Variants in KCNIP4 observed in about 807,000 individuals in gnomAD.
The protein encoded by KCNIP4 is potassium voltage-gated channel interacting protein 4.
KCNIP4 carries 12 observed loss-of-function variants against 34.0 expected under a neutral mutation model. The observed-to-expected ratio is 0.35, with a 90% confidence interval of 0.23 to 0.57. The LOEUF is 0.57. Among genes scored for constraint, KCNIP4 ranks in the 20% least tolerant of loss-of-function variants. The pLI is 0.83. For synonymous variants in KCNIP4, 124 were observed against 102.2 expected, an observed-to-expected ratio of 1.21 and a Z score of -1.29; for missense variants, 238 against 311.7, an observed-to-expected ratio of 0.76 and a Z score of 1.78.
intron 1 of KCNIP4, among the ~76,000 whole-genome samples, chr4:21,804,710 G>T (rs2109258880): frequency 6.6e-6 from 1 of 152,210 alleles, no homozygotes; most frequent in East Asian, 1.9e-4. Context: ...ACAGCCTATA[G>T]ATATGTTATC....
intron 1 of KCNIP4, chr4:20,983,949 A>G: frequency 6.5e-7 from 1 of 1,535,968 alleles, no homozygotes; most frequent in Non-Finnish European, 8.7e-7. Flanking sequence ...AGAGCATCCC[A>G]GCCTCCAGAC....
intron 1 of KCNIP4, among the ~76,000 whole-genome samples, chr4:21,093,969 C>T (rs867006522): frequency 3.9e-5 from 6 of 151,990 alleles, no homozygotes; most frequent in African/African-American, 9.7e-5. Flanking sequence ...GTAGTCCCAG[C>T]TACTCAGGAG....
At chr4:21,279,265 G>T (rs1378917211) in intron 1 of KCNIP4, among the ~76,000 whole-genome samples, 1 of 152,128 alleles carries the variant, frequency 6.6e-6, no homozygotes, top group African/African-American at 2.4e-5. Flanking sequence ...TTAGGGTAGG[G>T]TGGCACAAGT....
intron 1 of KCNIP4, among the ~76,000 whole-genome samples, chr4:21,182,921 C>T (rs1238135466): frequency 6.6e-6 from 1 of 152,048 alleles, no homozygotes; most frequent in East Asian, 1.9e-4. Flanking sequence ...ATGTTATTAA[C>T]TGTAGTCACA....
intron 1 of KCNIP4, among the ~76,000 whole-genome samples, chr4:21,633,661 G>A (rs1174084227): frequency 1.3e-5 from 2 of 152,022 alleles, no homozygotes; most frequent in South Asian, 4.2e-4. Context: ...AAACATTTTA[G>A]TCTTAGGACC....
chr4:21,181,548 CAT>C (rs1171150454), intron 1 of KCNIP4, among the ~76,000 whole-genome samples: 1 of 152,040 alleles, frequency 6.6e-6, no homozygotes, highest in Non-Finnish European at 1.5e-5. Flanking sequence ...CATATGTACT[CAT>C]ATGTTGAAAG....
intron 2 of KCNIP4, among the ~76,000 whole-genome samples, chr4:20,881,182 T>C (rs1054545705): frequency 1.1e-4 from 16 of 152,234 alleles, no homozygotes; most frequent in African/African-American, 3.6e-4. Context: ...CTTATTATGA[T>C]GATATATCAC....
chr4:21,828,268 T>A (rs1578040303), intron 1 of KCNIP4, among the ~76,000 whole-genome samples: 1 of 151,850 alleles, frequency 6.6e-6, no homozygotes, highest in East Asian at 1.9e-4. Flanking sequence ...ATATTAGAAC[T>A]GGTAAACTGG....
chr4:21,238,583 A>G (rs947188294), intron 1 of KCNIP4, among the ~76,000 whole-genome samples: 7 of 152,312 alleles, frequency 4.6e-5, no homozygotes, highest in Middle Eastern at 3.4e-3. Context: ...TTATACACCA[A>G]TAACAGACAA....
intron 1 of KCNIP4, among the ~76,000 whole-genome samples, chr4:21,150,898 A>C (rs757536442): frequency 1.3e-5 from 2 of 152,228 alleles, no homozygotes; most frequent in Non-Finnish European, 2.9e-5. Context: ...TAATCAACAC[A>C]GTAGTTAATG....
At chr4:20,909,895 G>T (rs1728166518) in intron 1 of KCNIP4, among the ~76,000 whole-genome samples, 1 of 152,028 alleles carries the variant, frequency 6.6e-6, no homozygotes, top group Non-Finnish European at 1.5e-5. Context: ...ACAGCCTTAA[G>T]GGAAAGGCCA....
At chr4:20,941,038 G>A (rs1032456432) in intron 1 of KCNIP4, among the ~76,000 whole-genome samples, 2 of 152,142 alleles carry the variant, frequency 1.3e-5, no homozygotes, top group African/African-American at 4.8e-5. Flanking sequence ...ATTATTTTGA[G>A]ACGACATGAG....
chr4:21,752,047 C>T (rs1294263055), intron 1 of KCNIP4, among the ~76,000 whole-genome samples: 3 of 152,136 alleles, frequency 2.0e-5, no homozygotes, highest in Admixed American at 2.0e-4. Flanking sequence ...CTGTTAGCTG[C>T]TCTCTCATAT....
At chr4:20,983,452 T>C (rs1736282166) in intron 1 of KCNIP4, among the ~76,000 whole-genome samples, 1 of 152,186 alleles carries the variant, frequency 6.6e-6, no homozygotes. Flanking sequence ...TTTCATAGGA[T>C]GAAATCACTA....
At chr4:21,522,176 T>A (rs539620793) in intron 1 of KCNIP4, among the ~76,000 whole-genome samples, 1 of 152,232 alleles carries the variant, frequency 6.6e-6, no homozygotes, top group Non-Finnish European at 1.5e-5. Context: ...AGTCTACACA[T>A]AATCATCCCC....
At chr4:21,912,303 T>G (rs1728376855) in intron 1 of KCNIP4, among the ~76,000 whole-genome samples, 1 of 152,158 alleles carries the variant, frequency 6.6e-6, no homozygotes, top group South Asian at 2.1e-4. Context: ...CTGACTGATG[T>G]TTTTAGCAGT....
intron 2 of KCNIP4, among the ~76,000 whole-genome samples, chr4:20,875,123 G>A (rs1723873838): frequency 6.6e-6 from 1 of 152,092 alleles, no homozygotes; most frequent in African/African-American, 2.4e-5. Context: ...ACTCATTCAA[G>A]GGGCTACCAC....
intron 1 of KCNIP4, among the ~76,000 whole-genome samples, chr4:21,753,801 A>T (rs1239047295): frequency 6.6e-6 from 1 of 152,180 alleles, no homozygotes; most frequent in Non-Finnish European, 1.5e-5. Context: ...AGTCAAGCCC[A>T]TGCCCAAAAG....
intron 1 of KCNIP4, among the ~76,000 whole-genome samples, chr4:21,514,637 C>T (rs1339528809): frequency 6.6e-6 from 1 of 151,586 alleles, no homozygotes; most frequent in South Asian, 2.1e-4. Flanking sequence ...TGGAGGGTTA[C>T]AGAAGAAACA....
Sources: gnomAD v4.1 joint callset for allele counts (sites outside exome capture counted in the v4.1 genomes callset) on GRCh38, gnomAD v4.1.1 for gene constraint, MANE v1.5 for transcripts, NCBI Gene and HGNC (gene_info 2026-07-23, HGNC 2026-07-21) for gene names.